The following C4orf36 variants were observed in gnomAD, a reference collection of about 807,000 sequenced individuals.
The protein encoded by C4orf36 is chromosome 4 open reading frame 36, also known as uncharacterized protein C4orf36.
Under a neutral mutation model 12.2 loss-of-function variants are expected in C4orf36, and 11 were observed. That is an observed-to-expected ratio of 0.90 (90% CI 0.57 to 1.49). C4orf36 has a LOEUF of 1.49. Among genes scored for constraint, C4orf36 ranks in the 40% most tolerant of loss-of-function variants. C4orf36 has a pLI of 0.00. For synonymous variants in C4orf36, 54 were observed against 51.3 expected, an observed-to-expected ratio of 1.05 and a Z score of -0.22; for missense variants, 137 against 133.9, an observed-to-expected ratio of 1.02 and a Z score of -0.11.
chr4:86,905,253 C>T, the C4orf36 span, among the ~76,000 whole-genome samples: 4 of 151,338 alleles, frequency 2.6e-5, no homozygotes, highest in Non-Finnish European at 5.9e-5. Flanking sequence ...CATGGTGGCA[C>T]ATGCCTGTCG....
chr4:86,914,290 C>T, the C4orf36 span: 26 of 1,600,426 alleles, frequency 1.6e-5, no homozygotes, highest in African/African-American at 9.4e-5. Context: ...CCACAAGTGA[C>T]GATGCGGTCG....
At chr4:86,926,536 C>T in the C4orf36 span, among the ~76,000 whole-genome samples, 1 of 152,196 alleles carries the variant, frequency 6.6e-6, no homozygotes, top group Non-Finnish European at 1.5e-5. Flanking sequence ...GCCTGCATTC[C>T]AGGGAATAGG....
At chr4:86,919,860 C>A in the C4orf36 span, among the ~76,000 whole-genome samples, 14 of 152,138 alleles carry the variant, frequency 9.2e-5, no homozygotes, top group Non-Finnish European at 1.3e-4. Context: ...CAAAGTGAGA[C>A]CCTGTCTCTA....
the C4orf36 span, among the ~76,000 whole-genome samples, chr4:86,905,733 T>A: frequency 6.6e-6 from 1 of 151,732 alleles, no homozygotes; most frequent in South Asian, 2.1e-4. Flanking sequence ...TTTCTTTTTT[T>A]TTGAGACATA....
the C4orf36 span, among the ~76,000 whole-genome samples, chr4:86,909,448 G>A: frequency 2.0e-5 from 3 of 152,124 alleles, no homozygotes; most frequent in Admixed American, 6.6e-5. Flanking sequence ...AAGTCAGCTG[G>A]TAAATAAATA....
At chr4:86,911,859 A>T in the C4orf36 span, among the ~76,000 whole-genome samples, 1 of 150,876 alleles carries the variant, frequency 6.6e-6, no homozygotes, top group Admixed American at 6.6e-5. Flanking sequence ...GCTATTTAGA[A>T]AAAAAAAATG....
chr4:86,902,292 T>A, the C4orf36 span, among the ~76,000 whole-genome samples: 1 of 150,922 alleles, frequency 6.6e-6, no homozygotes, highest in Non-Finnish European at 1.5e-5. Flanking sequence ...GGCATGGTGG[T>A]ATGCACCTGT....
chr4:86,891,649 AAAT>A, intron 1 of C4orf36, 56 bp from the exon 2 acceptor site: 1 of 1,446,680 alleles, frequency 6.9e-7, no homozygotes, highest in South Asian at 1.4e-5. Context: ...TTTTGTAGCC[AAAT>A]AATAGAAAAA....
the C4orf36 span, among the ~76,000 whole-genome samples, chr4:86,910,758 A>G: frequency 6.6e-6 from 1 of 152,104 alleles, no homozygotes; most frequent in Admixed American, 6.6e-5. Context: ...TAGGGGCAGG[A>G]AGTCAAGTTA....
intron 4 of C4orf36, among the ~76,000 whole-genome samples, chr4:86,881,182 T>C (rs1747047183): frequency 6.6e-6 from 1 of 152,110 alleles, no homozygotes; most frequent in African/African-American, 2.4e-5. Flanking sequence ...TGTTAATGAA[T>C]ACACAATATA....
At chr4:86,921,081 C>G in the C4orf36 span, among the ~76,000 whole-genome samples, 1 of 151,384 alleles carries the variant, frequency 6.6e-6, no homozygotes, top group Non-Finnish European at 1.5e-5. Flanking sequence ...AGGATAATCA[C>G]TTGAATCTTG....
chr4:86,901,412 A>AT, the C4orf36 span, among the ~76,000 whole-genome samples: 1 of 150,624 alleles, frequency 6.6e-6, no homozygotes, highest in East Asian at 2.0e-4. Context: ...TTATTTATTT[A>AT]TTTTTTATTT....
chr4:86,905,893 G>A, the C4orf36 span, among the ~76,000 whole-genome samples: 1 of 151,930 alleles, frequency 6.6e-6, no homozygotes, highest in Non-Finnish European at 1.5e-5. Flanking sequence ...TTTTCTATTT[G>A]TATTTTTAGT....
the C4orf36 span, among the ~76,000 whole-genome samples, chr4:86,917,532 AAG>A: frequency 6.3e-5 from 9 of 143,718 alleles, no homozygotes; most frequent in Non-Finnish European, 1.2e-4. Context: ...AAGAGAGAGA[AAG>A]AGAAAGAAAA....
chr4:86,926,371 G>T, the C4orf36 span: 2 of 152,146 alleles, frequency 1.3e-5, no homozygotes, highest in Admixed American at 1.3e-4. Flanking sequence ...AATACAGGGT[G>T]GTCTAGTGTT....
the C4orf36 span, among the ~76,000 whole-genome samples, chr4:86,898,130 G>T: frequency 5.3e-5 from 8 of 151,978 alleles, no homozygotes; most frequent in Admixed American, 5.2e-4. Flanking sequence ...AGTGGCTCAC[G>T]CCTGTAATCC....
chr4:86,890,878 T>C (rs1420281372), intron 2 of C4orf36, among the ~76,000 whole-genome samples: 1 of 152,196 alleles, frequency 6.6e-6, no homozygotes, highest in East Asian at 1.9e-4. Flanking sequence ...ATATGCATCT[T>C]GCAGATGCAG....
At chr4:86,929,738 T>C in the C4orf36 span, among the ~76,000 whole-genome samples, 1 of 152,104 alleles carries the variant, frequency 6.6e-6, no homozygotes, top group African/African-American at 2.4e-5. Context: ...TACCTGACAG[T>C]AGCTATTTAA....
the C4orf36 span, among the ~76,000 whole-genome samples, chr4:86,919,872 A>C: frequency 6.6e-6 from 1 of 152,108 alleles, no homozygotes; most frequent in African/African-American, 2.4e-5. Context: ...CTGTCTCTAC[A>C]AAAAATTTAA....
Sources: allele counts gnomAD v4.1 joint callset (sites outside exome capture counted in the v4.1 genomes callset), GRCh38; gene constraint gnomAD v4.1.1; transcripts MANE v1.5; gene names NCBI Gene and HGNC (gene_info 2026-07-23, HGNC 2026-07-21).